Variants in BTAF1 observed in about 807,000 individuals in gnomAD.
BTAF1 encodes the protein B-TFIID TATA-box binding protein associated factor 1, also known as TATA-binding protein-associated factor 172.
A neutral mutation model predicts 227.1 loss-of-function variants in BTAF1; 38 were observed. The ratio of observed to expected loss-of-function variants is 0.17; its 90% CI spans 0.13 to 0.22. The LOEUF is 0.22. Among genes scored for constraint, BTAF1 ranks in the 10% least tolerant of loss-of-function variants. BTAF1 has a pLI of 1.00. For synonymous variants in BTAF1, 742 were observed against 751.9 expected (o/e 0.99, Z 0.21); for missense variants, 1,598 against 2,204.0 (o/e 0.73, Z 5.51).
intron 25 of BTAF1, among the ~76,000 whole-genome samples, chr10:91,998,931 C>T (rs935577285): frequency 1.1e-4 from 16 of 151,896 alleles, no homozygotes; most frequent in Non-Finnish European, 2.2e-4. Flanking sequence ...GGCGTGGTGG[C>T]ACACACCTGT....
chr10:91,950,467 T>C (rs1448968445), intron 4 of BTAF1, among the ~76,000 whole-genome samples: 1 of 152,146 alleles, frequency 6.6e-6, no homozygotes, highest in Non-Finnish European at 1.5e-5. Flanking sequence ...AGATCGTTAT[T>C]GTTTTTAAAA....
intron 14 of BTAF1, among the ~76,000 whole-genome samples, chr10:91,976,018 A>G (rs749071510): frequency 1.3e-5 from 2 of 152,236 alleles, no homozygotes; most frequent in Non-Finnish European, 2.9e-5. Context: ...CAGTCGCACA[A>G]CAGATAGCAG....
chr10:91,982,075 C>T lies in BTAF1; in HGVS notation c.1906-8C>T, dbSNP rs1564692196. On this transcript the variant is annotated splice_polypyrimidine_tract_variant and splice_region_variant and intron_variant, in intron 16 of 37. Transcript: ENST00000265990. ...TCTTTATTGTTTTTTTTTCCCCTCCCTCTGTAGGAAAAAACAGGTGGTAAG... is the reference window on the plus strand; with the variant it reads ...TCTTTATTGTTTTTTTTTCCCCTCCTTCTGTAGGAAAAAACAGGTGGTAAG... 6.2e-7 allele frequency: 1 copy of T among 1,603,834 alleles called. No homozygotes were observed. Among genetic ancestry groups the T allele is most frequent in the South Asian group, 1.1e-5 (1 of 89,042 alleles).
chr10:91,953,013 G>A (rs1280490469), intron 5 of BTAF1, among the ~76,000 whole-genome samples: 1 of 152,122 alleles, frequency 6.6e-6, no homozygotes, highest in Admixed American at 6.5e-5. Flanking sequence ...ATGGACCTTT[G>A]GGGGAAGTTG....
chr10:92,026,678 T>C lies in BTAF1; in HGVS notation c.5162T>C (p.Val1721Ala). Residue 1721 changes from valine (V) to alanine (A), a missense_variant, in exon 36 of 38, where the codon GTA becomes GCA. Physicochemically the swap from Val to Ala is moderately conservative, Grantham distance 64 (BLOSUM62 0). Around this residue, in one of 10 missense-constraint regions of BTAF1, gnomAD observed 205 missense variants for 244.5 expected, o/e 0.84. Transcript: ENST00000265990. The part of the protein sequence containing the change: ...LGLNLTGADT[V>A]VFVEHDWNPM... ...CTTAATTTGACAGGCGCTGACACAGTAGTATTTGTGGAGCATGACTGGAAT... is the reference window on the plus strand; with the variant it reads ...CTTAATTTGACAGGCGCTGACACAGCAGTATTTGTGGAGCATGACTGGAAT... 1 of 1,613,958 alleles carries C rather than the reference T, an allele frequency of 6.2e-7. No homozygotes were observed. The highest frequency in any genetic ancestry group is 1.7e-4 in the Middle Eastern group (1 of 6,060).
At chr10:91,986,298 A>G (rs932932424) in intron 19 of BTAF1, among the ~76,000 whole-genome samples, 17 of 152,116 alleles carry the variant, frequency 1.1e-4, no homozygotes, top group African/African-American at 4.1e-4. Context: ...CATTTGTTCA[A>G]TGTATTTGTC....
intron 12 of BTAF1, among the ~76,000 whole-genome samples, chr10:91,962,986 T>C (rs1433873144): frequency 6.6e-6 from 1 of 152,030 alleles, no homozygotes; most frequent in Non-Finnish European, 1.5e-5. Flanking sequence ...GATTTTAGTT[T>C]TTGGATTGTT....
chr10:91,995,426 C>T (rs925319920), intron 23 of BTAF1, among the ~76,000 whole-genome samples: 1 of 152,010 alleles, frequency 6.6e-6, no homozygotes, highest in African/African-American at 2.4e-5. Context: ...CCTGTAATCC[C>T]AGCACTTTGG....
intron 20 of BTAF1, among the ~76,000 whole-genome samples, chr10:91,991,775 A>ATGTGTGTG (rs376156562): frequency 1.2e-5 from 1 of 81,506 alleles, no homozygotes; most frequent in African/African-American, 6.8e-5. Flanking sequence ...AATTATATAT[A>ATGTGTGTG]TGTGTGTGTG....
Position 91,993,750 on chromosome 10 carries a change from A to C in BTAF1, c.3102A>C (p.Ile1034=), listed in dbSNP as rs768122658. The C allele has an allele frequency of 1.9e-6, 3 of 1,603,402 alleles. No individual in the cohort carries two copies. Among genetic ancestry groups the C allele is most frequent in the South Asian group, 2.3e-5 (2 of 88,678 alleles). ...GAGCTGAATTTGCTTTGACAACTAT[A>C]GTAAAGCATTTTGGTGGTGAAATGG... ...RRGAEFALTT[I]VKHFGGEMAV... is the part of the protein sequence containing the mutation. Residue 1034 remains isoleucine (I), a synonymous_variant, in exon 22 of 38, where the codon ATA becomes ATC. Transcript: ENST00000265990.
chr10:92,014,015 C>G lies in BTAF1; in HGVS notation c.4570C>G (p.Leu1524Val). The change falls in exon 32 of 38, where the codon CTT becomes GTT. Residue 1524 changes from leucine (L) to valine (V), a missense_variant. Transcript: ENST00000265990. The stretch of plus-strand genomic sequence containing the variant: ...AATTATTCAAGACTATTATTGTACT[C>G]TTAGTCCTCTCCAGGTTAGGAATCT... ...PKIIQDYYCT[L>V]SPLQVQLYED... is the part of the protein sequence containing the mutation. The G allele has an allele frequency of 6.2e-7, 1 of 1,610,730 alleles. No individual in the cohort carries two copies. Among genetic ancestry groups the G allele is most frequent in the South Asian group, 1.1e-5 (1 of 90,090 alleles).
chr10:91,985,065 A>G (rs1027159676), intron 19 of BTAF1, among the ~76,000 whole-genome samples: 1 of 152,050 alleles, frequency 6.6e-6, no homozygotes, highest in Non-Finnish European at 1.5e-5. Flanking sequence ...GTGAATTTTG[A>G]CAGATGCATA....
At chr10:91,956,361 C>G (rs1846085225) in intron 6 of BTAF1, among the ~76,000 whole-genome samples, 167 bp from the exon 7 acceptor site, 1 of 152,172 alleles carries the variant, frequency 6.6e-6, no homozygotes. Flanking sequence ...TCGTTTGATA[C>G]ATGGGATTTT....
intron 25 of BTAF1, among the ~76,000 whole-genome samples, chr10:92,006,790 C>G (rs1215091093): frequency 6.6e-6 from 1 of 152,182 alleles, no homozygotes; most frequent in South Asian, 2.1e-4. Context: ...TCAGTCCTTT[C>G]AAGTAAAATG....
chr10:91,967,495 A>G (rs1199750573), intron 14 of BTAF1, among the ~76,000 whole-genome samples: 1 of 152,246 alleles, frequency 6.6e-6, no homozygotes, highest in African/African-American at 2.4e-5. Flanking sequence ...GTGACTAAGT[A>G]GTGAATAAGT....
intron 21 of BTAF1, 116 bp downstream of exon 21, chr10:91,992,425 T>A: frequency 1.0e-6 from 1 of 998,230 alleles, no homozygotes; most frequent in Non-Finnish European, 1.4e-6. Flanking sequence ...GAAATGGGAT[T>A]AATTTTTGGA....
intron 23 of BTAF1, among the ~76,000 whole-genome samples, 182 bp from the exon 24 acceptor site, chr10:91,996,187 A>G (rs1349085621): frequency 1.3e-5 from 2 of 152,284 alleles, no homozygotes; most frequent in South Asian, 2.1e-4. Context: ...GTTGTAATAC[A>G]TTAATTTGTA....
intron 14 of BTAF1, among the ~76,000 whole-genome samples, chr10:91,974,623 A>G (rs1847553799): frequency 6.6e-6 from 1 of 152,172 alleles, no homozygotes; most frequent in African/African-American, 2.4e-5. Context: ...AGGCCAGTGC[A>G]GGCAGATCAC....
In BTAF1 at chr10:91,942,576, G is replaced by A; in HGVS notation, c.400+8G>A. 2 of 1,613,614 alleles carry A rather than the reference G, an allele frequency of 1.2e-6. No homozygotes were observed. Among genetic ancestry groups the A allele is most frequent in the Non-Finnish European group, 1.7e-6 (2 of 1,179,764 alleles). On this transcript the variant is annotated splice_region_variant and intron_variant, in intron 4 of 37. Transcript: ENST00000265990. ...TCCAAGATGAAAAATCAGGTCTGTA[G>A]TGGTTCTGAGAAGAAAGTCTAAAAT...
Sources: allele counts gnomAD v4.1 joint callset (sites outside exome capture counted in the v4.1 genomes callset), GRCh38; gene constraint gnomAD v4.1.1; regional missense constraint gnomAD v4.1.1; transcripts MANE v1.5; gene names NCBI Gene and HGNC (gene_info 2026-07-23, HGNC 2026-07-21).